The following TMEM132C variants were observed in gnomAD, a reference collection of about 807,000 sequenced individuals.
The protein encoded by TMEM132C is transmembrane protein 132C.
A neutral mutation model predicts 61.4 loss-of-function variants in TMEM132C; 29 were observed. The ratio of observed to expected loss-of-function variants is 0.47; its 90% CI spans 0.35 to 0.64. The LOEUF (loss-of-function observed/expected upper bound fraction) is 0.64. TMEM132C is among the 30% of genes least tolerant of loss of function. The pLI, the probability that TMEM132C is intolerant of heterozygous loss-of-function variation, is 0.00. For missense variants in TMEM132C, 1,408 were observed against 1,476.9 expected, an observed-to-expected ratio of 0.95 and a Z score of 0.76; for synonymous variants, 656 against 633.1, an observed-to-expected ratio of 1.04 and a Z score of -0.54.
chr12:128,557,230 C>A (rs1453108337), intron 3 of TMEM132C, among the ~76,000 whole-genome samples: 3 of 152,194 alleles, frequency 2.0e-5, no homozygotes, highest in African/African-American at 7.2e-5. Context: ...TCTTTTGGCA[C>A]CCAAGCCTCA....
chr12:128,595,531 C>T (rs950602184), intron 3 of TMEM132C, among the ~76,000 whole-genome samples: 3 of 152,162 alleles, frequency 2.0e-5, no homozygotes, highest in Non-Finnish European at 2.9e-5. Context: ...TGCAAAACAA[C>T]AGAACTAAAT....
chr12:128,555,020 G>T (rs948331839), intron 3 of TMEM132C, among the ~76,000 whole-genome samples: 2 of 152,004 alleles, frequency 1.3e-5, no homozygotes, highest in Non-Finnish European at 1.5e-5. Context: ...CCCCTCCCTG[G>T]AACAGAAGCA....
chr12:128,700,486 T>C (rs950473155), intron 8 of TMEM132C, among the ~76,000 whole-genome samples: 1 of 152,182 alleles, frequency 6.6e-6, no homozygotes, highest in African/African-American at 2.4e-5. Context: ...TTTTTTATGT[T>C]AACTTCTTTC....
intron 2 of TMEM132C, among the ~76,000 whole-genome samples, chr12:128,531,363 AAAAGAGCGCTC>A (rs1873294786): frequency 6.6e-6 from 1 of 152,186 alleles, no homozygotes; most frequent in South Asian, 2.1e-4. Flanking sequence ...CAGAAGATGA[AAAAGAGCGCTC>A]AATTGGAAAC....
intron 8 of TMEM132C, among the ~76,000 whole-genome samples, chr12:128,701,246 T>TAAAAAA (rs35380407): frequency 7.0e-6 from 1 of 143,198 alleles, no homozygotes. Flanking sequence ...AAAAATAAGT[T>TAAAAAA]AAAAAAAAAA....
chr12:128,381,977 C>T (rs1273119556), intron 1 of TMEM132C, among the ~76,000 whole-genome samples: 2 of 152,074 alleles, frequency 1.3e-5, no homozygotes, highest in African/African-American at 4.8e-5. Flanking sequence ...TTCTCTTTGT[C>T]CCGTTGAAGA....
At chr12:128,290,560 A>T (rs1871215857) in intron 1 of TMEM132C, among the ~76,000 whole-genome samples, 1 of 152,126 alleles carries the variant, frequency 6.6e-6, no homozygotes, top group Non-Finnish European at 1.5e-5. Flanking sequence ...GCACTGTTCC[A>T]CCGGGAGTTA....
At chr12:128,392,028 C>T (rs1473441380) in intron 1 of TMEM132C, among the ~76,000 whole-genome samples, 1 of 151,510 alleles carries the variant, frequency 6.6e-6, no homozygotes, top group East Asian at 1.9e-4. Flanking sequence ...GCAGTCTCCC[C>T]CACCCTCTGC....
At chr12:128,458,149 T>C (rs1870407855) in intron 2 of TMEM132C, among the ~76,000 whole-genome samples, 1 of 150,186 alleles carries the variant, frequency 6.7e-6, no homozygotes, top group South Asian at 2.1e-4. Context: ...TCATAATTCA[T>C]TTTCTGTATC....
intron 3 of TMEM132C, among the ~76,000 whole-genome samples, chr12:128,576,285 G>C (rs1221955976): frequency 1.3e-5 from 2 of 151,530 alleles, no homozygotes; most frequent in Admixed American, 6.6e-5. Context: ...GAGGGGAGGG[G>C]AGTCAGTGGC....
intron 3 of TMEM132C, among the ~76,000 whole-genome samples, chr12:128,609,447 A>G (rs1479380803): frequency 6.6e-6 from 1 of 151,688 alleles, no homozygotes; most frequent in Non-Finnish European, 1.5e-5. Flanking sequence ...TTGTGGAGAC[A>G]GGGTTTTGCC....
intron 4 of TMEM132C, among the ~76,000 whole-genome samples, chr12:128,624,993 G>A (rs2135590152): frequency 6.6e-6 from 1 of 152,276 alleles, no homozygotes; most frequent in African/African-American, 2.4e-5. Flanking sequence ...AGAGAAACTA[G>A]CAAGGGAGGG....
At chr12:128,541,145 T>G (rs916318141) in intron 2 of TMEM132C, among the ~76,000 whole-genome samples, 5 of 152,184 alleles carry the variant, frequency 3.3e-5, no homozygotes, top group African/African-American at 1.2e-4. Flanking sequence ...GGGAAACATT[T>G]ACTTATGTTG....
intron 2 of TMEM132C, among the ~76,000 whole-genome samples, chr12:128,434,311 A>AT: frequency 6.6e-6 from 1 of 152,210 alleles, no homozygotes; most frequent in East Asian, 1.9e-4. Flanking sequence ...TTTTATTTTT[A>AT]TTTTTTGAGA....
chr12:128,275,256 T>C (rs1309298824), intron 1 of TMEM132C, among the ~76,000 whole-genome samples: 1 of 152,176 alleles, frequency 6.6e-6, no homozygotes, highest in Non-Finnish European at 1.5e-5. Context: ...CGAGCAATGC[T>C]TCCTCTGAAT....
rs576803831 is a variant in TMEM132C, at chr12:128,324,775, C to A, written c.85+57288C>A. Among the ~76,000 whole-genome samples the A allele has an allele frequency of 8.5e-5, 13 of 152,208 alleles. No individual in the cohort carries two copies. In the South Asian group the frequency reaches 2.7e-3, roughly 32 times the overall value. On this transcript the variant is annotated intron_variant, in intron 1 of 8. Coordinates refer to ENST00000435159, the MANE Select transcript of TMEM132C (RefSeq NM_001136103.3). ...CCCAGGAGGTTGAGGCTGCAGTGAA[C>A]CATGATTGTACCACTGCAGCCCAGC... is the stretch of plus-strand genomic sequence containing the variant.
intron 1 of TMEM132C, among the ~76,000 whole-genome samples, chr12:128,339,092 T>G (rs141271153): frequency 9.9e-5 from 15 of 152,248 alleles, no homozygotes; most frequent in African/African-American, 3.6e-4. Flanking sequence ...TCTTCCCCTC[T>G]GCTGATTTTC....
At chr12:128,504,406 T>C (rs1223139917) in intron 2 of TMEM132C, among the ~76,000 whole-genome samples, 1 of 152,204 alleles carries the variant, frequency 6.6e-6, no homozygotes, top group Non-Finnish European at 1.5e-5. Flanking sequence ...TGAAAGTCAA[T>C]GTTGGACAAT....
chr12:128,306,194 T>A (rs12815175), intron 1 of TMEM132C, among the ~76,000 whole-genome samples: 2 of 150,176 alleles, frequency 1.3e-5, no homozygotes, highest in Non-Finnish European at 2.9e-5. Context: ...CTCTTTACCC[T>A]GTGAAGAAAT....
Sources: allele counts gnomAD v4.1 joint callset (sites outside exome capture counted in the v4.1 genomes callset), GRCh38; gene constraint gnomAD v4.1.1; transcripts MANE v1.5; gene names NCBI Gene and HGNC (gene_info 2026-07-23, HGNC 2026-07-21).